Variants in DOK5 observed in about 807,000 individuals in gnomAD.
DOK5 encodes downstream of tyrosine kinase 5.
A neutral mutation model predicts 43.3 loss-of-function variants in DOK5; 27 were observed. That is an observed-to-expected ratio of 0.62 (90% CI 0.46 to 0.86). The LOEUF (loss-of-function observed/expected upper bound fraction) is 0.86. DOK5 is among the 40% of genes least tolerant of loss of function. DOK5 has a pLI of 0.00. For synonymous variants in DOK5, 146 were observed against 140.1 expected, an observed-to-expected ratio of 1.04 and a Z score of -0.30; for missense variants, 373 against 392.9, an observed-to-expected ratio of 0.95 and a Z score of 0.43.
intron 7 of DOK5, among the ~76,000 whole-genome samples, chr20:54,646,892 C>CT (rs11483952): frequency 0.25 from 34,154 of 137,958 alleles, 4,624 homozygotes; most frequent in East Asian, 0.47. Context: ...GAATTTCAGG[C>CT]TTTTTTTTTT....
At chr20:54,602,840 A>C (rs1187239394) in intron 5 of DOK5, among the ~76,000 whole-genome samples, 1 of 151,952 alleles carries the variant, frequency 6.6e-6, no homozygotes, top group Admixed American at 6.6e-5. Context: ...TGCCTGGATA[A>C]TTTTTGTATT....
chr20:54,576,009 T>C (rs1300791840), intron 2 of DOK5, among the ~76,000 whole-genome samples: 1 of 152,068 alleles, frequency 6.6e-6, no homozygotes, highest in Non-Finnish European at 1.5e-5. Context: ...AAGAAAATCA[T>C]GAACACAGAG....
At chr20:54,577,220 C>T (rs1400139948) in intron 2 of DOK5, among the ~76,000 whole-genome samples, 1 of 152,092 alleles carries the variant, frequency 6.6e-6, no homozygotes, top group Non-Finnish European at 1.5e-5. Context: ...TAATAGTTTA[C>T]CAAGGATGTT....
intron 6 of DOK5, among the ~76,000 whole-genome samples, chr20:54,618,432 C>T (rs1039227845): frequency 6.6e-6 from 1 of 151,952 alleles, no homozygotes; most frequent in Non-Finnish European, 1.5e-5. Context: ...AAACCTCTGC[C>T]TCCCGGGTTC....
At chr20:54,610,037 C>T (rs1465217509) in intron 5 of DOK5, among the ~76,000 whole-genome samples, 4 of 152,288 alleles carry the variant, frequency 2.6e-5, no homozygotes, top group South Asian at 2.1e-4. Flanking sequence ...CAAAGGAATA[C>T]GCTTGCACAG....
At chr20:54,609,618 T>C (rs1014720374) in intron 5 of DOK5, among the ~76,000 whole-genome samples, 2 of 151,944 alleles carry the variant, frequency 1.3e-5, no homozygotes, top group African/African-American at 4.8e-5. Flanking sequence ...TATACTAAAA[T>C]ATATTTAAGT....
At chr20:54,646,407 C>T (rs1568828291) in intron 7 of DOK5, among the ~76,000 whole-genome samples, 1 of 151,896 alleles carries the variant, frequency 6.6e-6, no homozygotes, top group Non-Finnish European at 1.5e-5. Context: ...GTGTGTGCCA[C>T]CAAGCCCAGC....
At chr20:54,525,888 A>G (rs1381429247) in intron 1 of DOK5, among the ~76,000 whole-genome samples, 1 of 152,220 alleles carries the variant, frequency 6.6e-6, no homozygotes, top group African/African-American at 2.4e-5. Flanking sequence ...GATTCAATGT[A>G]TTTGGAAGAT....
chr20:54,636,963 A>G (rs1160969965), intron 6 of DOK5, among the ~76,000 whole-genome samples: 2 of 152,232 alleles, frequency 1.3e-5, no homozygotes, highest in African/African-American at 2.4e-5. Flanking sequence ...CTGGACTTTC[A>G]TGACTAGCAC....
chr20:54,585,950 T>C (rs1408521596), intron 2 of DOK5, among the ~76,000 whole-genome samples: 1 of 152,106 alleles, frequency 6.6e-6, no homozygotes, highest in African/African-American at 2.4e-5. Context: ...GGTGAAACCC[T>C]GTCTCTACTA....
At chr20:54,622,497 C>T (rs892825731) in intron 6 of DOK5, among the ~76,000 whole-genome samples, 3 of 152,174 alleles carry the variant, frequency 2.0e-5, no homozygotes, top group Non-Finnish European at 4.4e-5. Context: ...TTACACAGCT[C>T]CTCCCTGGAG....
At chr20:54,483,451 G>A (rs192905281) in intron 1 of DOK5, among the ~76,000 whole-genome samples, 1 of 152,276 alleles carries the variant, frequency 6.6e-6, no homozygotes, top group East Asian at 1.9e-4. Flanking sequence ...TCAAGGAGTT[G>A]ACAATTTAAT....
At chr20:54,643,140 T>C (rs1436520421) in intron 6 of DOK5, among the ~76,000 whole-genome samples, 1 of 152,228 alleles carries the variant, frequency 6.6e-6, no homozygotes. Flanking sequence ...CGGAGTGGTC[T>C]GGCATGGGTC....
intron 1 of DOK5, among the ~76,000 whole-genome samples, chr20:54,480,540 C>A (rs2146654812): frequency 6.6e-6 from 1 of 152,322 alleles, no homozygotes; most frequent in East Asian, 1.9e-4. Context: ...AATGGGCAAC[C>A]AGCAGCCCTC....
intron 1 of DOK5, among the ~76,000 whole-genome samples, chr20:54,553,256 C>A (rs370333003): frequency 6.6e-6 from 1 of 152,094 alleles, no homozygotes; most frequent in Non-Finnish European, 1.5e-5. Flanking sequence ...AGTGCAGTGG[C>A]GCCATCTCGG....
intron 1 of DOK5, among the ~76,000 whole-genome samples, chr20:54,492,424 T>C (rs1408532572): frequency 6.6e-6 from 1 of 152,230 alleles, no homozygotes; most frequent in Non-Finnish European, 1.5e-5. Flanking sequence ...TTTTTTTCTA[T>C]GTCACAATTT....
At chr20:54,621,328 T>C (rs972020590) in intron 6 of DOK5, among the ~76,000 whole-genome samples, 1 of 152,224 alleles carries the variant, frequency 6.6e-6, no homozygotes, top group African/African-American at 2.4e-5. Flanking sequence ...GTTGAGTTTC[T>C]GGCATATGGC....
At chr20:54,494,281 T>G (rs566987909) in intron 1 of DOK5, among the ~76,000 whole-genome samples, 1 of 152,362 alleles carries the variant, frequency 6.6e-6, no homozygotes, top group East Asian at 1.9e-4. Flanking sequence ...TTTTACCGAT[T>G]TCCTTCAAAA....
Position 54,561,607 on chromosome 20 carries a change from T to A in DOK5, c.174+6567T>A, listed in dbSNP as rs1254295838. On this transcript the variant is annotated intron_variant, in intron 2 of 7. Transcript: ENST00000262593. ...CCAGGGCAACCCAAGACTACTTACC[T>A]CTGGATTTGTTTTATATGAGAGGAA... is the stretch of plus-strand genomic sequence containing the variant. 5.9e-5 allele frequency among the ~76,000 whole-genome samples: 9 copies of A among 152,298 alleles called. 1 individual carries two copies. In the East Asian group the frequency reaches 1.5e-3, roughly 26 times the overall value.
Sources: gnomAD v4.1 joint callset for allele counts (sites outside exome capture counted in the v4.1 genomes callset) on GRCh38, gnomAD v4.1.1 for gene constraint, MANE v1.5 for transcripts, NCBI Gene and HGNC (gene_info 2026-07-23, HGNC 2026-07-21) for gene names.